The following LRRIQ3 variants were observed in gnomAD, a reference collection of about 807,000 sequenced individuals.
LRRIQ3 encodes leucine rich repeats and IQ motif containing 3.
Under a neutral mutation model 59.3 loss-of-function variants are expected in LRRIQ3, and 75 were observed. The observed-to-expected ratio is 1.26, with a 90% CI of 1.05 to 1.53. The LOEUF is 1.53. Ranked by LOEUF, LRRIQ3 falls within the 40% of genes most tolerant of loss-of-function variation. The pLI is 0.00. For missense variants in LRRIQ3, 831 were observed against 710.0 expected (o/e 1.17, Z -1.94); for synonymous variants, 250 against 231.3 (o/e 1.08, Z -0.73).
chr1:74,089,849 G>A lies in LRRIQ3; in HGVS notation c.868-15059C>T, dbSNP rs985308581. Among the ~76,000 whole-genome samples, 3 of 152,038 alleles carry A rather than the reference G, an allele frequency of 2.0e-5. No individual in the cohort carries two copies. The East Asian group carries it at 5.8e-4, about 29-fold the overall frequency. ...ATGTGAATTACATCTCAGTAAAGAT[G>A]TTTTTAAAAATGGTGAAGTTGGCAA... On this transcript the variant is annotated intron_variant, in intron 5 of 7. Coordinates refer to ENST00000354431, the MANE Select transcript of LRRIQ3 (RefSeq NM_001105659.2).
At chr1:74,105,446 T>G (rs1206353071) in intron 5 of LRRIQ3, among the ~76,000 whole-genome samples, 2 of 151,814 alleles carry the variant, frequency 1.3e-5, no homozygotes, top group African/African-American at 2.4e-5. Flanking sequence ...GAGATGGGGG[T>G]CTCACAATGT....
At chr1:74,034,675 T>C (rs1653816011) in intron 7 of LRRIQ3, among the ~76,000 whole-genome samples, 1 of 150,696 alleles carries the variant, frequency 6.6e-6, no homozygotes, top group South Asian at 2.1e-4. Context: ...CCACAAAGTG[T>C]ACACTAAAGA....
chr1:74,105,053 A>G (rs191797667), intron 5 of LRRIQ3, among the ~76,000 whole-genome samples: 1 of 152,208 alleles, frequency 6.6e-6, no homozygotes, highest in East Asian at 1.9e-4. Flanking sequence ...TATTTATGTT[A>G]TCAAAAAAGT....
At chr1:74,034,030 G>C (rs1050057499) in intron 7 of LRRIQ3, among the ~76,000 whole-genome samples, 1 of 151,718 alleles carries the variant, frequency 6.6e-6, no homozygotes, top group African/African-American at 2.4e-5. Flanking sequence ...TACTCCTGTG[G>C]GTATTTTATT....
At chr1:74,141,479 C>A (rs1647253351) in intron 4 of LRRIQ3, among the ~76,000 whole-genome samples, 1 of 151,652 alleles carries the variant, frequency 6.6e-6, no homozygotes, top group African/African-American at 2.4e-5. Flanking sequence ...AAAACAGTAG[C>A]TAGAAAATAT....
chr1:74,173,022 C>T (rs1235214200), intron 3 of LRRIQ3, among the ~76,000 whole-genome samples: 3 of 152,064 alleles, frequency 2.0e-5, no homozygotes, highest in Non-Finnish European at 2.9e-5. Context: ...TCCATTCAGG[C>T]CAGGCACAGT....
chr1:74,178,431 T>A (rs897370048), intron 3 of LRRIQ3, among the ~76,000 whole-genome samples: 1 of 152,130 alleles, frequency 6.6e-6, no homozygotes, highest in African/African-American at 2.4e-5. Flanking sequence ...AATTATTTAA[T>A]CTATATTACT....
In LRRIQ3 at chr1:74,105,625, C is replaced by G. The variant is rs1413872129; in HGVS notation, c.867+3769G>C. On this transcript the variant is annotated intron_variant, in intron 5 of 7. Coordinates refer to ENST00000354431, the MANE Select transcript of LRRIQ3 (RefSeq NM_001105659.2). Reference sequence around the variant, plus strand: ...ATTAAAATTATAATAGATTTAAATACAAACAGCTCATCAGATTTAAAAATA... The same window carrying G: ...ATTAAAATTATAATAGATTTAAATAGAAACAGCTCATCAGATTTAAAAATA... Among the ~76,000 whole-genome samples, 4 of 151,842 alleles carry G rather than the reference C, an allele frequency of 2.6e-5. No individual in the cohort carries two copies. In the East Asian group the frequency reaches 7.7e-4, roughly 29 times the overall value.
At chr1:74,105,252 T>C (rs1349750423) in intron 5 of LRRIQ3, among the ~76,000 whole-genome samples, 26 of 58,164 alleles carry the variant, frequency 4.5e-4, no homozygotes, top group Non-Finnish European at 1.2e-3. Context: ...TGTGTGTGTG[T>C]GTGTATTTTT....
chr1:74,184,563 T>C (rs918857387), intron 1 of LRRIQ3, among the ~76,000 whole-genome samples: 1 of 152,050 alleles, frequency 6.6e-6, no homozygotes, highest in African/African-American at 2.4e-5. Flanking sequence ...CCAGATACAC[T>C]CTTGTACTCT....
intron 6 of LRRIQ3, among the ~76,000 whole-genome samples, chr1:74,045,281 T>A (rs189245664): frequency 2.6e-5 from 4 of 152,298 alleles, no homozygotes; most frequent in African/African-American, 4.8e-5. Flanking sequence ...GTCAGCTTCA[T>A]CCTTGAGATG....
chr1:74,186,194 C>T (rs1313025107), intron 1 of LRRIQ3, among the ~76,000 whole-genome samples: 1 of 151,746 alleles, frequency 6.6e-6, no homozygotes, highest in Admixed American at 6.6e-5. Flanking sequence ...TTCTTCCTGG[C>T]ATTTATTTTC....
intron 6 of LRRIQ3, among the ~76,000 whole-genome samples, chr1:74,065,331 GTC>G (rs745627394): frequency 6.6e-6 from 1 of 152,076 alleles, no homozygotes; most frequent in Non-Finnish European, 1.5e-5. Context: ...TTAAGGAACA[GTC>G]TCCCCTTGTT....
At position 74,041,638 on chromosome 1, in the gene LRRIQ3, C is replaced by A; in HGVS notation, c.1293G>T (p.Lys431Asn). Residue 431 changes from lysine (K) to asparagine (N), a missense_variant, in exon 7 of 8, where the codon AAG (lysine) becomes AAT (asparagine). Lys to Asn is a moderately conservative substitution (Grantham distance 94). Transcript: ENST00000354431. ...CTTTTTCTTTATGGTATTCCTGCTT[C>A]TTTTGTTCTGTGTAATATTTGTCAA... is the stretch of plus-strand genomic sequence containing the variant. ...SDIDKYYTEQ[K>N]KQEYHKEKVR... The A allele has an allele frequency of 6.2e-7, 1 of 1,613,708 alleles. No homozygotes were observed. Among genetic ancestry groups the A allele is most frequent in the Non-Finnish European group, 8.5e-7 (1 of 1,179,840 alleles).
chr1:74,159,655 C>A (rs1204235037), intron 3 of LRRIQ3, among the ~76,000 whole-genome samples: 1 of 152,002 alleles, frequency 6.6e-6, no homozygotes. Flanking sequence ...AAGTGAAAAC[C>A]TTCCTTGTAA....
chr1:74,123,221 A>T (rs1170255035), intron 4 of LRRIQ3, among the ~76,000 whole-genome samples: 1 of 152,022 alleles, frequency 6.6e-6, no homozygotes, highest in Non-Finnish European at 1.5e-5. Context: ...ATTTTGATAC[A>T]GGCCTATAAT....
At chr1:74,101,209 C>A (rs907251678) in intron 5 of LRRIQ3, among the ~76,000 whole-genome samples, 1 of 151,946 alleles carries the variant, frequency 6.6e-6, no homozygotes, top group Non-Finnish European at 1.5e-5. Flanking sequence ...AACAAACTTA[C>A]AAGAAAAAAA....
chr1:74,118,957 A>G (rs148841105), intron 4 of LRRIQ3, among the ~76,000 whole-genome samples: 38 of 152,236 alleles, frequency 2.5e-4, no homozygotes, highest in African/African-American at 8.7e-4. Context: ...ATGGAGGGTA[A>G]TATGCTTCAC....
At chr1:74,176,498 C>T (rs890661885) in intron 3 of LRRIQ3, among the ~76,000 whole-genome samples, 3 of 152,092 alleles carry the variant, frequency 2.0e-5, no homozygotes, top group African/African-American at 7.2e-5. Context: ...ATGTCTATTG[C>T]AACATTTGGG....
Sources: gnomAD v4.1 joint callset for allele counts (sites outside exome capture counted in the v4.1 genomes callset) on GRCh38, gnomAD v4.1.1 for gene constraint, MANE v1.5 for transcripts, NCBI Gene and HGNC (gene_info 2026-07-23, HGNC 2026-07-21) for gene names.